FBXO10: variants seen among roughly 807,000 people sequenced by gnomAD.
FBXO10 encodes F-box protein 10.
A neutral mutation model predicts 80.7 loss-of-function variants in FBXO10; 39 were observed. The ratio of observed to expected loss-of-function variants is 0.48; its 90% CI spans 0.37 to 0.63. FBXO10 has a LOEUF of 0.63. Among genes scored for constraint, FBXO10 ranks in the 30% least tolerant of loss-of-function variants. FBXO10 has a pLI of 0.00. For synonymous variants in FBXO10, 449 were observed against 489.6 expected (o/e 0.92, Z 1.09); for missense variants, 1,025 against 1,269.0 (o/e 0.81, Z 2.92).
intron 8 of FBXO10, among the ~76,000 whole-genome samples, chr9:37,520,445 C>T (rs1198911787): frequency 1.3e-5 from 2 of 151,650 alleles, no homozygotes; most frequent in African/African-American, 4.8e-5. Context: ...AGCGATCCCC[C>T]CGCCTCCTGA....
intron 8 of FBXO10, among the ~76,000 whole-genome samples, chr9:37,519,144 C>T (rs1052074079): frequency 3.9e-5 from 6 of 152,092 alleles, no homozygotes; most frequent in Non-Finnish European, 5.9e-5. Flanking sequence ...CTCCTGACCT[C>T]GTGATCCACC....
chr9:37,535,727 T>C (rs78645921), intron 3 of FBXO10, among the ~76,000 whole-genome samples: 9,958 of 152,218 alleles, frequency 0.065, 421 homozygotes, highest in South Asian at 0.12. Flanking sequence ...TGGGATGTTC[T>C]AGAGGACAGA....
At chr9:37,536,378 C>T (rs1821766274) in intron 3 of FBXO10, among the ~76,000 whole-genome samples, 1 of 152,172 alleles carries the variant, frequency 6.6e-6, no homozygotes, top group Non-Finnish European at 1.5e-5. Flanking sequence ...CTTCAGAAGG[C>T]CTTCCTGTCA....
chr9:37,519,252 A>C (rs1821267114), intron 8 of FBXO10, among the ~76,000 whole-genome samples: 1 of 152,238 alleles, frequency 6.6e-6, no homozygotes, highest in South Asian at 2.1e-4. Context: ...TTGGAGTACA[A>C]AAACTTACTA....
chr9:37,525,137 A>C lies in FBXO10; in HGVS notation c.1742T>G (p.Ile581Arg). 1 of 1,565,604 alleles carries C rather than the reference A, an allele frequency of 6.4e-7. No homozygotes were observed. The highest frequency in any genetic ancestry group is 8.7e-7 in the Non-Finnish European group (1 of 1,154,976). ...NHIFKGRAAG[I>R]AVNENGKGLI... ...GCCTTTGCCGTTCTCATTCACTGCT[A>C]TGCCGGCAGCACGGCCCTTGAAGAT... Residue 581 changes from isoleucine (I) to arginine (R), a missense_variant, in exon 6 of 11, where the codon ATA becomes AGA. Physicochemically the swap from Ile to Arg is moderately conservative, Grantham distance 97. Transcript: ENST00000432825.
At chr9:37,542,236 C>T (rs1821938671) in intron 1 of FBXO10, among the ~76,000 whole-genome samples, 1 of 152,172 alleles carries the variant, frequency 6.6e-6, no homozygotes, top group Non-Finnish European at 1.5e-5. Flanking sequence ...GTGAATCCTA[C>T]TCTAGATTTT....
chr9:37,536,659 T>C (rs956918272), intron 3 of FBXO10, among the ~76,000 whole-genome samples: 12 of 152,248 alleles, frequency 7.9e-5, no homozygotes, highest in African/African-American at 2.4e-4. Flanking sequence ...CACCCCTTCT[T>C]ATCACGTGTC....
chr9:37,534,996 C>T (rs1006035778), intron 3 of FBXO10, among the ~76,000 whole-genome samples: 2 of 152,252 alleles, frequency 1.3e-5, no homozygotes, highest in Admixed American at 6.5e-5. Flanking sequence ...CCTGCCATCA[C>T]GTAGGGTGAC....
rs200648555 is a variant in FBXO10 at position 37,512,554 on chromosome 9, A to G, written c.2864T>C (p.Ile955Thr). The change falls in exon 11 of 11, where the codon ATC (isoleucine) becomes ACC (threonine). Residue 955 changes from isoleucine to threonine, a missense_variant. Coordinates refer to ENST00000432825, the MANE Select transcript of FBXO10 (RefSeq NM_012166.3). Reference sequence around the variant, plus strand: ...TGAAGCAGGTCTGTGTCCTCACAGGATGGTGCAGAAGACACTGCGGTTGCT... The same window carrying G: ...TGAAGCAGGTCTGTGTCCTCACAGGGTGGTGCAGAAGACACTGCGGTTGCT... Reference protein sequence around the residue: ...YHSNRSVFCTIL With the variant: ...YHSNRSVFCTTL The G allele has an allele frequency of 4.2e-5, 67 of 1,612,972 alleles. No individual in the cohort carries two copies. Among genetic ancestry groups the G allele is most frequent in the Non-Finnish European group, 5.6e-5 (66 of 1,179,368 alleles).
chr9:37,540,661 A>T (rs1564343991), intron 2 of FBXO10, among the ~76,000 whole-genome samples: 1 of 152,326 alleles, frequency 6.6e-6, no homozygotes, highest in Non-Finnish European at 1.5e-5. Flanking sequence ...AATATGTTGG[A>T]CAAATATTTT....
chr9:37,538,708 C>CAAAA (rs34975108), intron 2 of FBXO10, among the ~76,000 whole-genome samples: 23 of 69,614 alleles, frequency 3.3e-4, no homozygotes, highest in African/African-American at 8.7e-4. Flanking sequence ...ACTCGGTGTC[C>CAAAA]AAAAAAAAAA....
intron 8 of FBXO10, among the ~76,000 whole-genome samples, chr9:37,519,768 TC>T (rs1821280394): frequency 6.6e-6 from 1 of 152,186 alleles, no homozygotes; most frequent in African/African-American, 2.4e-5. Context: ...CATCTCCCTG[TC>T]CTCTACCACT....
At position 37,537,888 on chromosome 9, in the gene FBXO10, T is replaced by C; in HGVS notation, c.641A>G (p.Gln214Arg). The C allele has an allele frequency of 6.2e-7, 1 of 1,614,014 alleles. No homozygotes were observed. Among genetic ancestry groups the C allele is most frequent in the Non-Finnish European group, 8.5e-7 (1 of 1,179,896 alleles). The part of the protein sequence containing the change: ...DNCNFENGHI[Q>R]VHGPGTCQVK... ...TTGGCAAGTACCCGGGCCATGGACC[T>C]GGATGTGCCCGTTCTCAAAGTTGCA... Residue 214 changes from glutamine (Q) to arginine (R), a missense_variant, in exon 3 of 11, where the codon CAG becomes CGG. This residue lies in a region of FBXO10 where 450 missense variants were observed against 499.4 expected (regional missense o/e 0.90). Coordinates refer to ENST00000432825, the MANE Select transcript of FBXO10 (RefSeq NM_012166.3).
intron 1 of FBXO10, among the ~76,000 whole-genome samples, chr9:37,555,625 C>T (rs1237575195): frequency 6.6e-6 from 1 of 152,166 alleles, no homozygotes; most frequent in Non-Finnish European, 1.5e-5. Flanking sequence ...AGGTGATCCA[C>T]CCACCTTGGC....
chr9:37,544,891 G>A (rs1822014016), intron 1 of FBXO10, among the ~76,000 whole-genome samples: 1 of 151,130 alleles, frequency 6.6e-6, no homozygotes, highest in African/African-American at 2.4e-5. Context: ...CTACTCGGGA[G>A]GCTGAGGCAG....
chr9:37,517,948 C>T lies in FBXO10; in HGVS notation c.2514+177G>A, dbSNP rs148831594. Among the ~76,000 whole-genome samples the T allele has an allele frequency of 2.2e-3, 329 of 150,534 alleles. 1 individual carries two copies. The Middle Eastern group carries it at 0.024, about 11-fold the overall frequency. ...TTCATCCTTCAGGACTCAGCTTCTC[C>T]GTCCCCCCCTGTGGGAAGTCCCACC... is the stretch of plus-strand genomic sequence containing the variant. On this transcript the variant is annotated intron_variant, in intron 9 of 10. Coordinates refer to ENST00000432825, the MANE Select transcript of FBXO10 (RefSeq NM_012166.3).
chr9:37,562,888 CA>C (rs1822514675), intron 1 of FBXO10, among the ~76,000 whole-genome samples: 1 of 152,028 alleles, frequency 6.6e-6, no homozygotes, highest in Admixed American at 6.6e-5. Flanking sequence ...ATATGTCTAC[CA>C]AAAAACACCC....
At chr9:37,573,962 T>C (rs539689853) in intron 1 of FBXO10, among the ~76,000 whole-genome samples, 3 of 152,222 alleles carry the variant, frequency 2.0e-5, no homozygotes, top group Non-Finnish European at 4.4e-5. Context: ...GTTCATTCAT[T>C]AAGGCAAACT....
rs115705766 is a variant in FBXO10, at chr9:37,531,178, C to T, written c.1569+731G>A. On this transcript the variant is annotated intron_variant, in intron 4 of 10. Coordinates refer to ENST00000432825, the MANE Select transcript of FBXO10 (RefSeq NM_012166.3). ...ATGAAGTGCTTAAAAAAGCATCTGGCGTATAATAAGCATTATGTATTAATG... is the reference window on the plus strand; with the variant it reads ...ATGAAGTGCTTAAAAAAGCATCTGGTGTATAATAAGCATTATGTATTAATG... 6.7e-3 allele frequency among the ~76,000 whole-genome samples: 1,019 copies of T among 152,054 alleles called. 11 individuals carry two copies. The highest frequency in any genetic ancestry group is 0.023 in the African/African-American group (970 of 41,478).
Sources: allele counts gnomAD v4.1 joint callset (sites outside exome capture counted in the v4.1 genomes callset), GRCh38; gene constraint gnomAD v4.1.1; regional missense constraint gnomAD v4.1.1; transcripts MANE v1.5; gene names NCBI Gene and HGNC (gene_info 2026-07-23, HGNC 2026-07-21).